Variants in TEAD4 observed in about 807,000 individuals in gnomAD.
TEAD4 encodes the protein TEA domain transcription factor 4.
A neutral mutation model predicts 52.4 loss-of-function variants in TEAD4; 36 were observed. The observed-to-expected ratio is 0.69, with a 90% CI of 0.53 to 0.91. The LOEUF (loss-of-function observed/expected upper bound fraction) is 0.91. Among genes scored for constraint, TEAD4 ranks in the 40% least tolerant of loss-of-function variants. The probability of loss-of-function intolerance (pLI) is 0.00; values close to 1 mark genes in which losing one functional copy is unlikely to be tolerated. For synonymous variants in TEAD4, 220 were observed against 231.0 expected, an observed-to-expected ratio of 0.95 and a Z score of 0.43; for missense variants, 508 against 583.9, an observed-to-expected ratio of 0.87 and a Z score of 1.34.
chr12:3,022,034 C>A lies in TEAD4; in HGVS notation c.897+17C>A. 1 of 1,612,852 alleles carries A rather than the reference C, an allele frequency of 6.2e-7. No homozygotes were observed. Among genetic ancestry groups the A allele is most frequent in the South Asian group, 1.1e-5 (1 of 90,932 alleles). ...AAGTTCTGGGTAAGCCTGTGATAAC[C>A]CCTTCTTTCCTGCCACCAGCGTGTC... On this transcript the variant is annotated intron_variant, in intron 10 of 12. Transcript: ENST00000359864.
At chr12:2,997,220 TGAA>T (rs2098247969) in intron 3 of TEAD4, among the ~76,000 whole-genome samples, 1 of 152,144 alleles carries the variant, frequency 6.6e-6, no homozygotes, top group Non-Finnish European at 1.5e-5. Flanking sequence ...GAGAATGGGA[TGAA>T]GAAGAGTGAC....
At chr12:2,981,490 G>A (rs970458610) in intron 2 of TEAD4, among the ~76,000 whole-genome samples, 14 of 152,144 alleles carry the variant, frequency 9.2e-5, no homozygotes, top group African/African-American at 3.1e-4. Flanking sequence ...GGGTAGAGGG[G>A]GCCTCTCACT....
chr12:2,985,317 G>A (rs1720217266), intron 2 of TEAD4, among the ~76,000 whole-genome samples: 1 of 151,652 alleles, frequency 6.6e-6, no homozygotes, highest in South Asian at 2.1e-4. Context: ...CCTGGGAGGT[G>A]GAGCTTGCAG....
At chr12:2,964,944 G>A (rs1477631070) in intron 2 of TEAD4, among the ~76,000 whole-genome samples, 2 of 152,146 alleles carry the variant, frequency 1.3e-5, no homozygotes, top group Non-Finnish European at 2.9e-5. Context: ...CTTTGCCTGA[G>A]TTCAGGTTGC....
chr12:2,991,603 A>G, intron 2 of TEAD4, among the ~76,000 whole-genome samples: 1 of 152,172 alleles, frequency 6.6e-6, no homozygotes. Flanking sequence ...CGGAGGTTAC[A>G]GTGAGCCGAG....
At chr12:3,017,294 G>C in intron 5 of TEAD4, 104 bp from the exon 6 acceptor site, 1 of 1,494,638 alleles carries the variant, frequency 6.7e-7, no homozygotes, top group Non-Finnish European at 9.2e-7. Context: ...CCCAGCTCTG[G>C]CCACTGGCAG....
chr12:2,977,449 C>G (rs531141044), intron 2 of TEAD4, among the ~76,000 whole-genome samples: 11 of 152,348 alleles, frequency 7.2e-5, no homozygotes, highest in East Asian at 5.8e-4. Context: ...GCCTCCCCCC[C>G]TCTCACCTGC....
chr12:3,012,454 C>T (rs1333266199), intron 5 of TEAD4, among the ~76,000 whole-genome samples: 2 of 152,172 alleles, frequency 1.3e-5, no homozygotes, highest in Non-Finnish European at 2.9e-5. Flanking sequence ...GGCCAGGCTC[C>T]TGCTGGGATC....
intron 10 of TEAD4, among the ~76,000 whole-genome samples, chr12:3,027,960 G>A (rs993070113): frequency 4.6e-5 from 7 of 152,074 alleles, no homozygotes; most frequent in East Asian, 1.9e-4. Flanking sequence ...TCATCATCCC[G>A]AAAATAAGCC....
At position 2,994,981 on chromosome 12, in the gene TEAD4, G is replaced by A; in HGVS notation, c.215G>A (p.Gly72Asp). ...CGCAAAATCATCCTGTCGGACGAGG[G>A]CAAGATGTATGGTAAGGAGCCCGTC... Residue 72 changes from glycine to aspartate, a missense_variant, in exon 3 of 13, where the codon GGC becomes GAC. Gly to Asp is a moderately conservative substitution (Grantham distance 94, BLOSUM62 -1). Coordinates refer to ENST00000359864, the MANE Select transcript of TEAD4 (RefSeq NM_003213.4). This position sits in a 1 kb window ranked among gnomAD's most constrained non-coding sequence, Gnocchi z 4.7. The A allele has an allele frequency of 6.2e-7, 1 of 1,613,896 alleles. No individual in the cohort carries two copies. Among genetic ancestry groups the A allele is most frequent in the Non-Finnish European group, 8.5e-7 (1 of 1,179,934 alleles).
At chr12:3,015,905 G>T (rs1297427572) in intron 5 of TEAD4, among the ~76,000 whole-genome samples, 2 of 152,124 alleles carry the variant, frequency 1.3e-5, no homozygotes, top group African/African-American at 2.4e-5. Context: ...ATGGGTGGGG[G>T]CGGTGGCTCA....
intron 2 of TEAD4, among the ~76,000 whole-genome samples, chr12:2,992,460 C>T (rs1457525095): frequency 6.6e-6 from 1 of 152,174 alleles, no homozygotes; most frequent in Non-Finnish European, 1.5e-5. Context: ...TCCTCACCCC[C>T]TCCCTCACAG....
At position 2,994,674 on chromosome 12, in the gene TEAD4, C is replaced by T; in HGVS notation, c.-29-64C>T. On this transcript the variant is annotated intron_variant, in intron 2 of 12. Transcript: ENST00000359864. This position sits in a 1 kb window ranked among gnomAD's most constrained non-coding sequence, Gnocchi z 4.7. Reference sequence around the variant, plus strand: ...CGGGCTCTGGCACTCCCCGGAGTGCCTTCATCCCGTGGCCCACGCAGTTCT... The same window carrying T: ...CGGGCTCTGGCACTCCCCGGAGTGCTTTCATCCCGTGGCCCACGCAGTTCT... 6.8e-7 allele frequency: 1 copy of T among 1,481,014 alleles called. No homozygotes were observed. Among genetic ancestry groups the T allele is most frequent in the Non-Finnish European group, 8.9e-7 (1 of 1,121,932 alleles). The allele number at this position is 1,481,014 out of a possible 1,614,324, so 91.7% of individuals were successfully genotyped here.
chr12:2,965,475 A>G (rs1461413340), intron 2 of TEAD4, among the ~76,000 whole-genome samples: 1 of 151,992 alleles, frequency 6.6e-6, no homozygotes. Context: ...AAAATTTTCT[A>G]GTAGCCACCT....
Position 2,959,916 on chromosome 12 carries a change from C to G in TEAD4, c.-122-32C>G, listed in dbSNP as rs554818787. The G allele has an allele frequency of 2.9e-4, 44 of 152,252 alleles. No individual in the cohort carries two copies. The highest frequency in any genetic ancestry group is 9.9e-4 in the African/African-American group (41 of 41,572). 9.4% of individuals were successfully genotyped at this position (152,252 alleles called of 1,614,324 possible). On this transcript the variant is annotated intron_variant, in intron 1 of 12. Transcript: ENST00000359864. The surrounding 1 kb of genome is among the most constrained non-coding windows in gnomAD (Gnocchi z 5.1). The stretch of plus-strand genomic sequence containing the variant: ...CCCGTCGGCCCCGGCCGGAGCCCGG[C>G]TCTGCGCGCTGACGCCCTGTCGTCC...
chr12:2,969,561 G>A (rs1227587962), intron 2 of TEAD4, among the ~76,000 whole-genome samples: 1 of 152,186 alleles, frequency 6.6e-6, no homozygotes, highest in Non-Finnish European at 1.5e-5. Context: ...AGATTTTGTG[G>A]TCCTGGGCCT....
chr12:3,005,396 T>C (rs1178133984), intron 3 of TEAD4, among the ~76,000 whole-genome samples: 1 of 152,208 alleles, frequency 6.6e-6, no homozygotes, highest in Admixed American at 6.5e-5. Context: ...TGGACTCAAG[T>C]GACCCTCCTG....
chr12:2,968,847 G>A (rs2098222759), intron 2 of TEAD4, among the ~76,000 whole-genome samples: 1 of 152,024 alleles, frequency 6.6e-6, no homozygotes, highest in Admixed American at 6.6e-5. Flanking sequence ...ACAAGGTCTT[G>A]CTATCTTTAT....
chr12:2,990,511 G>A (rs142694793), intron 2 of TEAD4, among the ~76,000 whole-genome samples: 1 of 108,322 alleles, frequency 9.2e-6, no homozygotes, highest in Non-Finnish European at 1.7e-5. Context: ...CTGTTGCCTA[G>A]GCTGGAGTGC....
Sources: gnomAD v4.1 joint callset for allele counts (sites outside exome capture counted in the v4.1 genomes callset) on GRCh38, gnomAD v4.1.1 for gene constraint, Gnocchi (gnomAD v3.1) non-coding constraint, MANE v1.5 for transcripts, NCBI Gene and HGNC (gene_info 2026-07-23, HGNC 2026-07-21) for gene names.